The following RORA variants were observed in gnomAD, a reference collection of about 807,000 sequenced individuals.
The protein encoded by RORA is nuclear receptor ROR-alpha.
In RORA, 7 loss-of-function variants were observed where a neutral mutation model predicts 69.5. The observed-to-expected ratio is 0.10, with a 90% confidence interval of 0.06 to 0.19. The LOEUF (loss-of-function observed/expected upper bound fraction) is 0.19, where lower values mean the gene tolerates loss of function less well. Ranked by LOEUF, RORA falls within the 10% of genes least tolerant of loss-of-function variation. RORA has a pLI of 1.00. For synonymous variants in RORA, 261 were observed against 240.8 expected (o/e 1.08, Z -0.78); for missense variants, 457 against 663.0 (o/e 0.69, Z 3.41).
At chr15:60,823,636 C>G (rs1264308518) in intron 1 of RORA, among the ~76,000 whole-genome samples, 1 of 152,140 alleles carries the variant, frequency 6.6e-6, no homozygotes, top group African/African-American at 2.4e-5. Flanking sequence ...TTGCTGTAGC[C>G]TTATAGAGAC....
intron 1 of RORA, among the ~76,000 whole-genome samples, chr15:61,156,500 T>C (rs2079444709): frequency 6.6e-6 from 1 of 152,084 alleles, no homozygotes; most frequent in African/African-American, 2.4e-5. Context: ...AACTCTCCAT[T>C]ACCTTCCCCA....
intron 2 of RORA, among the ~76,000 whole-genome samples, chr15:60,546,834 G>A (rs1344580572): frequency 3.3e-5 from 5 of 152,200 alleles, no homozygotes; most frequent in Non-Finnish European, 7.3e-5. Context: ...GGTGGCTGAA[G>A]TCAGAATTGT....
At position 60,834,951 on chromosome 15, in the gene RORA, G is replaced by C. The variant is rs1386763440; in HGVS notation, c.167-156265C>G. ...TATCTTTGTTTTCAGAATAGGAGTCGACAAGCTCGGCATCACTGAATTATA... is the reference window on the plus strand; with the variant it reads ...TATCTTTGTTTTCAGAATAGGAGTCCACAAGCTCGGCATCACTGAATTATA... On this transcript the variant is annotated intron_variant, in intron 1 of 10. Coordinates refer to ENST00000335670, the MANE Select transcript of RORA (RefSeq NM_134261.3). Among the ~76,000 whole-genome samples, 7 of 151,734 alleles carry C rather than the reference G, an allele frequency of 4.6e-5. No individual in the cohort carries two copies. In the South Asian group the frequency reaches 1.5e-3, roughly 32 times the overall value.
intron 1 of RORA, among the ~76,000 whole-genome samples, chr15:61,021,231 G>A (rs1895506370): frequency 6.6e-6 from 1 of 152,208 alleles, no homozygotes; most frequent in Non-Finnish European, 1.5e-5. Context: ...CTACAGGGGA[G>A]GCTGGAAAAG....
intron 1 of RORA, among the ~76,000 whole-genome samples, chr15:60,843,953 C>T (rs546728140): frequency 6.6e-6 from 1 of 152,320 alleles, no homozygotes; most frequent in East Asian, 1.9e-4. Context: ...CTACTCTGCT[C>T]AGGGCACAGG....
chr15:60,898,706 AAG>A (rs1015619532), intron 1 of RORA, among the ~76,000 whole-genome samples: 16 of 152,042 alleles, frequency 1.1e-4, no homozygotes, highest in Non-Finnish European at 1.9e-4. Flanking sequence ...CTTAAAAAAA[AAG>A]AGAGAAATGG....
chr15:60,762,729 C>T (rs979697707), intron 1 of RORA, among the ~76,000 whole-genome samples: 4 of 152,214 alleles, frequency 2.6e-5, no homozygotes, highest in Admixed American at 6.5e-5. Context: ...TCAATATCAT[C>T]TAACCGCTAC....
At chr15:61,062,588 T>A (rs1252158928) in intron 1 of RORA, among the ~76,000 whole-genome samples, 1 of 152,184 alleles carries the variant, frequency 6.6e-6, no homozygotes, top group Non-Finnish European at 1.5e-5. Context: ...GGTAAAAGCA[T>A]AGCATGTCTG....
intron 2 of RORA, chr15:60,558,100 C>A: frequency 1.8e-6 from 1 of 548,138 alleles, no homozygotes; most frequent in South Asian, 3.6e-5. Flanking sequence ...TTGAGAAAAC[C>A]AAGATTTTTG....
intron 1 of RORA, among the ~76,000 whole-genome samples, chr15:61,130,272 A>G (rs566744120): frequency 1.4e-4 from 22 of 152,364 alleles, no homozygotes; most frequent in Admixed American, 6.5e-4. Context: ...AAATGTACAC[A>G]TCTGATTTCT....
chr15:60,691,845 A>C (rs1420646988), intron 1 of RORA, among the ~76,000 whole-genome samples: 1 of 152,228 alleles, frequency 6.6e-6, no homozygotes, highest in African/African-American at 2.4e-5. Flanking sequence ...TCCCCAACCC[A>C]GAAGCTGTAA....
intron 1 of RORA, among the ~76,000 whole-genome samples, chr15:61,095,805 G>A (rs561875670): frequency 1.3e-5 from 2 of 152,190 alleles, no homozygotes; most frequent in African/African-American, 4.8e-5. Context: ...TTTTGAGGCA[G>A]CCCATACAGG....
At chr15:60,576,281 G>C (rs894237620) in intron 2 of RORA, among the ~76,000 whole-genome samples, 1 of 152,184 alleles carries the variant, frequency 6.6e-6, no homozygotes, top group African/African-American at 2.4e-5. Context: ...ATTTGGCTCT[G>C]GGGGCACCAA....
chr15:60,774,993 G>C (rs192489906), intron 1 of RORA, among the ~76,000 whole-genome samples: 1 of 152,160 alleles, frequency 6.6e-6, no homozygotes, highest in Admixed American at 6.5e-5. Context: ...TGTAACATTC[G>C]TTGAAGAAAG....
chr15:61,216,746 G>A (rs2080044315), intron 1 of RORA, among the ~76,000 whole-genome samples: 1 of 152,186 alleles, frequency 6.6e-6, no homozygotes. Context: ...ACAAGTGGCT[G>A]ATGGGGCTGA....
intron 1 of RORA, among the ~76,000 whole-genome samples, chr15:60,973,847 C>T (rs983492928): frequency 2.0e-5 from 3 of 152,330 alleles, no homozygotes; most frequent in East Asian, 3.9e-4. Flanking sequence ...CCTCTGGACT[C>T]GCCAATTAGG....
chr15:61,079,361 A>G (rs1299981684), intron 1 of RORA, among the ~76,000 whole-genome samples: 1 of 152,244 alleles, frequency 6.6e-6, no homozygotes, highest in Non-Finnish European at 1.5e-5. Context: ...CAGATCGTAG[A>G]CACAGTACTA....
At chr15:60,962,933 T>C (rs982687013) in intron 1 of RORA, among the ~76,000 whole-genome samples, 2 of 152,164 alleles carry the variant, frequency 1.3e-5, no homozygotes, top group African/African-American at 2.4e-5. Context: ...GTGGTACCAT[T>C]TGTGGTCATG....
At chr15:60,964,784 G>A (rs1893505290) in intron 1 of RORA, among the ~76,000 whole-genome samples, 1 of 152,198 alleles carries the variant, frequency 6.6e-6, no homozygotes, top group Admixed American at 6.5e-5. Flanking sequence ...CTTTGGCAAA[G>A]AGCGCCACAG....
Sources: allele counts gnomAD v4.1 joint callset (sites outside exome capture counted in the v4.1 genomes callset), GRCh38; gene constraint gnomAD v4.1.1; transcripts MANE v1.5; gene names NCBI Gene and HGNC (gene_info 2026-07-23, HGNC 2026-07-21).